The following FLT1 variants were observed in gnomAD, a reference collection of about 807,000 sequenced individuals.
The protein encoded by FLT1 is vascular endothelial growth factor receptor 1.
A neutral mutation model predicts 156.3 loss-of-function variants in FLT1; 49 were observed. That is an observed-to-expected ratio of 0.31 (90% CI 0.25 to 0.40). The LOEUF (loss-of-function observed/expected upper bound fraction) is 0.40, where lower values mean the gene tolerates loss of function less well. Among genes scored for constraint, FLT1 ranks in the 10% least tolerant of loss-of-function variants. The pLI, the probability that FLT1 is intolerant of heterozygous loss-of-function variation, is 1.00. For missense variants in FLT1, 1,322 were observed against 1,637.2 expected, an observed-to-expected ratio of 0.81 and a Z score of 3.32; for synonymous variants, 594 against 583.8, an observed-to-expected ratio of 1.02 and a Z score of -0.25.
intron 10 of FLT1, among the ~76,000 whole-genome samples, chr13:28,416,608 G>A (rs904827083): frequency 2.0e-5 from 3 of 152,148 alleles, no homozygotes; most frequent in African/African-American, 7.2e-5. Context: ...ATAATTAAAT[G>A]AGATGATGCA....
intron 29 of FLT1, among the ~76,000 whole-genome samples, chr13:28,305,748 A>G (rs945533700): frequency 6.6e-6 from 1 of 152,190 alleles, no homozygotes; most frequent in Non-Finnish European, 1.5e-5. Context: ...ACAAACTCGT[A>G]AACTTTCTTA....
chr13:28,306,853 AC>A (rs1293239649), intron 28 of FLT1, 81 bp from the exon 29 acceptor site: 1 of 883,110 alleles, frequency 1.1e-6, no homozygotes, highest in African/African-American at 1.6e-5. Context: ...ATCCTGGGAT[AC>A]ATCTGTTGAT....
rs17086594 is a variant in FLT1, at chr13:28,347,057, T to C, written c.2249-1506A>G. Among the ~76,000 whole-genome samples the C allele has an allele frequency of 7.2e-3, 1,101 of 152,260 alleles. 5 individuals are homozygous for C. Among genetic ancestry groups the C allele is most frequent in the African/African-American group, 0.025 (1,030 of 41,546 alleles). ...ACCTAACCAAGAGACTTAAGGCAAA[T>C]ACAAAGAAATTAGATTTTGAAAGAT... On this transcript the variant is annotated intron_variant, in intron 15 of 29. Transcript: ENST00000282397.
At chr13:28,476,919 CA>C (rs111958167) in intron 1 of FLT1, among the ~76,000 whole-genome samples, 15,699 of 152,132 alleles carry the variant, frequency 0.1, 2,317 homozygotes, top group African/African-American at 0.32. Flanking sequence ...GCTCTTGGCA[CA>C]AAAGACATCA....
intron 25 of FLT1, 60 bp from the exon 26 acceptor site, chr13:28,312,158 T>C (rs973215334): frequency 9.9e-7 from 1 of 1,012,516 alleles, no homozygotes; most frequent in African/African-American, 1.6e-5. Context: ...ATGCATTGCC[T>C]TACGTACTAC....
intron 4 of FLT1, among the ~76,000 whole-genome samples, chr13:28,437,058 A>G (rs961877484): frequency 9.9e-5 from 15 of 152,220 alleles, no homozygotes; most frequent in African/African-American, 3.1e-4. Flanking sequence ...TGAGAAGGCA[A>G]GGTATTGGCT....
chr13:28,305,480 C>A (rs1870705384), intron 29 of FLT1, among the ~76,000 whole-genome samples: 2 of 152,182 alleles, frequency 1.3e-5, no homozygotes, highest in African/African-American at 2.4e-5. Context: ...AGTGTTGAGA[C>A]TACTGCATGA....
intron 14 of FLT1, among the ~76,000 whole-genome samples, chr13:28,363,075 G>C (rs1873168232): frequency 6.6e-6 from 1 of 151,944 alleles, no homozygotes; most frequent in Non-Finnish European, 1.5e-5. Context: ...CAGATCTTTT[G>C]TTCATACTTA....
chr13:28,420,302 G>C (rs1364737804), intron 10 of FLT1, among the ~76,000 whole-genome samples: 1 of 152,200 alleles, frequency 6.6e-6, no homozygotes, highest in African/African-American at 2.4e-5. Context: ...GTTTGTTCAA[G>C]CTCAAAGTCC....
intron 23 of FLT1, among the ~76,000 whole-genome samples, chr13:28,320,881 A>G (rs1871425883): frequency 6.6e-6 from 1 of 152,166 alleles, no homozygotes; most frequent in Non-Finnish European, 1.5e-5. Context: ...GGTTAAGGAG[A>G]AGGGAGGACA....
At chr13:28,448,939 T>A (rs1878767379) in intron 3 of FLT1, among the ~76,000 whole-genome samples, 1 of 152,088 alleles carries the variant, frequency 6.6e-6, no homozygotes, top group South Asian at 2.1e-4. Context: ...TTTAGGCCAC[T>A]CACAAAAAAT....
At chr13:28,351,934 A>G (rs1872746032) in intron 15 of FLT1, among the ~76,000 whole-genome samples, 1 of 152,240 alleles carries the variant, frequency 6.6e-6, no homozygotes, top group Non-Finnish European at 1.5e-5. Flanking sequence ...GCTGTTTTAA[A>G]TGTGTTAATC....
intron 23 of FLT1, among the ~76,000 whole-genome samples, chr13:28,321,088 G>C (rs1031715086): frequency 5.9e-5 from 9 of 152,086 alleles, no homozygotes; most frequent in Non-Finnish European, 1.0e-4. Flanking sequence ...CAATCATCTG[G>C]GTTTATTTGA....
At chr13:28,444,837 C>T (rs1173211138) in intron 3 of FLT1, among the ~76,000 whole-genome samples, 1 of 59,834 alleles carries the variant, frequency 1.7e-5, no homozygotes, top group African/African-American at 7.3e-5. Context: ...GAAGACACAG[C>T]ATACTAAAAT....
intron 1 of FLT1, among the ~76,000 whole-genome samples, chr13:28,479,711 A>G (rs1880735328): frequency 6.6e-6 from 1 of 152,218 alleles, no homozygotes; most frequent in African/African-American, 2.4e-5. Flanking sequence ...TACCCATAGA[A>G]GACTTTAGCG....
chr13:28,457,162 G>GAA (rs543418653), intron 3 of FLT1, among the ~76,000 whole-genome samples: 5 of 145,126 alleles, frequency 3.4e-5, no homozygotes, highest in African/African-American at 1.3e-4. Context: ...ACTGCTCTAG[G>GAA]AAAAAAAAAA....
intron 28 of FLT1, among the ~76,000 whole-genome samples, chr13:28,307,924 A>G (rs899638709): frequency 6.6e-5 from 10 of 152,134 alleles, no homozygotes; most frequent in Non-Finnish European, 1.0e-4. Context: ...GGAGCCCACC[A>G]CCACGCCCAG....
At chr13:28,357,868 C>CTTTTTTTTTTTTTTTTTTTTTTTTTCT (rs57304530) in intron 14 of FLT1, among the ~76,000 whole-genome samples, 183 bp from the exon 15 acceptor site, 1 of 104,732 alleles carries the variant, frequency 9.5e-6, no homozygotes, top group Non-Finnish European at 1.9e-5. Context: ...CTTTTCTTTC[C>CTTTTTTTTTTTTTTTTTTTTTTTTTCT]TTTTTTTTTT....
In FLT1 at chr13:28,431,137, A is replaced by G. The variant is rs1466657866; in HGVS notation, c.987T>C (p.Tyr329=). 6.2e-7 allele frequency: 1 copy of G among 1,611,588 alleles called. No homozygotes were observed. The highest frequency in any genetic ancestry group is 8.5e-7 in the Non-Finnish European group (1 of 1,177,804). ...TTGGCAACGCTGAACTATGCTTACC[A>G]TATATATGCACTGAGGTGTTAACAG... is the stretch of plus-strand genomic sequence containing the variant. ...FKSVNTSVHI[Y]DKAFITVKHR... is the part of the protein sequence containing the mutation. The change falls in exon 7 of 30, where the codon TAT becomes TAC. Residue 329 remains tyrosine, a splice_region_variant and synonymous_variant. Coordinates refer to ENST00000282397, the MANE Select transcript of FLT1 (RefSeq NM_002019.4).
Sources: gnomAD v4.1 joint callset for allele counts (sites outside exome capture counted in the v4.1 genomes callset) on GRCh38, gnomAD v4.1.1 for gene constraint, MANE v1.5 for transcripts, NCBI Gene and HGNC (gene_info 2026-07-23, HGNC 2026-07-21) for gene names.